NAV2: variants seen among roughly 807,000 people sequenced by gnomAD.
NAV2 encodes the protein helicase, APC down-regulated 1.
A neutral mutation model predicts 223.2 loss-of-function variants in NAV2; 54 were observed. The ratio of observed to expected loss-of-function variants is 0.24; its 90% CI spans 0.19 to 0.30. NAV2 has a LOEUF of 0.30. Among genes scored for constraint, NAV2 ranks in the 10% least tolerant of loss-of-function variants. NAV2 has a pLI of 1.00. For missense variants in NAV2, 2,806 were observed against 3,147.5 expected (o/e 0.89, Z 2.60); for synonymous variants, 1,279 against 1,239.3 (o/e 1.03, Z -0.67).
At chr11:19,939,907 C>CTT in intron 8 of NAV2, 134 bp downstream of exon 8, 1 of 387,402 alleles carries the variant, frequency 2.6e-6, no homozygotes. Flanking sequence ...AACAAACTTT[C>CTT]TTTCTTTTTT....
chr11:19,689,269 T>C (rs2152255229), intron 1 of NAV2, among the ~76,000 whole-genome samples: 2 of 152,266 alleles, frequency 1.3e-5, no homozygotes, highest in Admixed American at 1.3e-4. Flanking sequence ...CTAGTGCAAA[T>C]TATATTCAAG....
chr11:19,782,201 G>C (rs2056801271), intron 1 of NAV2, among the ~76,000 whole-genome samples: 2 of 152,202 alleles, frequency 1.3e-5, no homozygotes, highest in South Asian at 2.1e-4. Context: ...GAATATACAG[G>C]AATAGTTCCA....
chr11:19,994,981 A>G (rs1371649128), intron 11 of NAV2, among the ~76,000 whole-genome samples: 2 of 152,234 alleles, frequency 1.3e-5, no homozygotes, highest in African/African-American at 2.4e-5. Context: ...TTTGGAAAGC[A>G]TGAACTCTAA....
At chr11:19,795,580 C>T (rs898742094) in intron 1 of NAV2, among the ~76,000 whole-genome samples, 7 of 152,202 alleles carry the variant, frequency 4.6e-5, no homozygotes, top group African/African-American at 1.4e-4. Flanking sequence ...AGTAGTTCAT[C>T]TACTGCAGTT....
At chr11:20,058,462 A>C (rs896002164) in intron 19 of NAV2, among the ~76,000 whole-genome samples, 3 of 152,260 alleles carry the variant, frequency 2.0e-5, no homozygotes, top group Admixed American at 2.0e-4. Context: ...CAACTTTAAT[A>C]GCGTACATTT....
chr11:19,432,625 G>A lies in NAV2; in HGVS notation c.75+81598G>A, dbSNP rs538271334. 2.0e-5 allele frequency among the ~76,000 whole-genome samples: 3 copies of A among 152,286 alleles called. No homozygotes were observed. The East Asian group carries it at 5.8e-4, about 29-fold the overall frequency. On this transcript the variant is annotated intron_variant, in intron 1 of 37. Transcript: ENST00000360655. ...CATGGAGCATGGAGAGCGAGGCAGT[G>A]GGGGAGTGGGTGGTATGGAGAGCAG...
In NAV2 at chr11:19,926,780, G is replaced by A. The variant is rs112550528; in HGVS notation, c.932-6396G>A. Among the ~76,000 whole-genome samples the A allele has an allele frequency of 9.8e-3, 1,486 of 152,254 alleles. 8 individuals carry two copies. Among genetic ancestry groups the A allele is most frequent in the Middle Eastern group, 0.037 (11 of 294 alleles). On this transcript the variant is annotated intron_variant, in intron 6 of 37. Transcript: ENST00000349880. ...TCAGGCCTGTTCTCCAAAGACTTGG[G>A]AGAGGATTTAGGCCAGAAACCTCCC... is the stretch of plus-strand genomic sequence containing the variant.
chr11:19,466,139 T>G (rs1176532510), intron 1 of NAV2, among the ~76,000 whole-genome samples: 1 of 152,232 alleles, frequency 6.6e-6, no homozygotes, highest in Non-Finnish European at 1.5e-5. Flanking sequence ...ATTTAAATTT[T>G]TATAGCGATG....
intron 35 of NAV2, among the ~76,000 whole-genome samples, chr11:20,106,155 G>GTGTGTA (rs369895690): frequency 6.4e-5 from 2 of 31,496 alleles, no homozygotes; most frequent in Non-Finnish European, 2.1e-4. Context: ...GTGTGTGTGT[G>GTGTGTA]TATATATATA....
At chr11:19,985,851 C>T (rs1238876916) in intron 11 of NAV2, among the ~76,000 whole-genome samples, 1 of 152,152 alleles carries the variant, frequency 6.6e-6, no homozygotes, top group Non-Finnish European at 1.5e-5. Flanking sequence ...GCTGGGATTA[C>T]AGGCGTGAGC....
intron 10 of NAV2, among the ~76,000 whole-genome samples, chr11:19,972,062 G>C (rs1388841609): frequency 3.9e-5 from 6 of 152,292 alleles, no homozygotes; most frequent in East Asian, 3.9e-4. Flanking sequence ...CCCTGACTTG[G>C]GGGTGAGGAG....
chr11:20,049,887 C>G lies in NAV2; in HGVS notation c.4422C>G (p.Pro1474=), dbSNP rs1454424297. The G allele has an allele frequency of 1.2e-6, 2 of 1,614,130 alleles. No individual in the cohort carries two copies. The highest frequency in any genetic ancestry group is 2.2e-5 in the South Asian group (2 of 91,070). ...CTAAGTTCTGCAGAAGTACTCTGCC[C>G]AGGAAACAGGACAGGTAATGACATT... is the stretch of plus-strand genomic sequence containing the variant. ...ASPKFCRSTL[P]RKQDSDPHLD... The change falls in exon 16 of 38, where the codon CCC becomes CCG. Residue 1474 remains proline, a synonymous_variant. Transcript: ENST00000349880.
Position 19,995,652 on chromosome 11 carries a change from G to A in NAV2, c.2768+11405G>A, listed in dbSNP as rs145524640. ...AAGTGCAAAGAGGACAGCTGCGGTG[G>A]AGAGTGGTGGGGTCTTGGACTTTTC... On this transcript the variant is annotated intron_variant, in intron 11 of 37. Transcript: ENST00000349880. 4.3e-3 allele frequency among the ~76,000 whole-genome samples: 649 copies of A among 152,250 alleles called. 17 individuals are homozygous for A. The highest frequency in any genetic ancestry group is 6.9e-4 in the Non-Finnish European group (47 of 68,038).
At chr11:19,482,750 G>A (rs1157633343) in intron 1 of NAV2, among the ~76,000 whole-genome samples, 9 of 152,194 alleles carry the variant, frequency 5.9e-5, no homozygotes, top group Admixed American at 3.3e-4. Flanking sequence ...CCTGAGCAAC[G>A]CCCAACATAC....
At chr11:19,679,314 T>G (rs942388635) in intron 1 of NAV2, among the ~76,000 whole-genome samples, 1 of 152,048 alleles carries the variant, frequency 6.6e-6, no homozygotes, top group African/African-American at 2.4e-5. Context: ...GCCTGTAGTC[T>G]CAGCTACTCT....
chr11:20,110,512 C>T (rs556147177), intron 36 of NAV2, among the ~76,000 whole-genome samples: 1 of 152,262 alleles, frequency 6.6e-6, no homozygotes, highest in East Asian at 1.9e-4. Flanking sequence ...CTGAGGCTCA[C>T]GGACGTTCTT....
chr11:19,990,433 G>C (rs983918627), intron 11 of NAV2, among the ~76,000 whole-genome samples: 1 of 152,126 alleles, frequency 6.6e-6, no homozygotes, highest in Non-Finnish European at 1.5e-5. Context: ...TTAAGCAATT[G>C]CTAGAGGTTC....
chr11:19,579,469 G>A (rs996169767), intron 1 of NAV2, among the ~76,000 whole-genome samples: 4 of 152,128 alleles, frequency 2.6e-5, no homozygotes, highest in Non-Finnish European at 5.9e-5. Context: ...ACAGTCATGG[G>A]TGGCAGCTGA....
chr11:19,474,296 G>T (rs1444318940), intron 1 of NAV2, among the ~76,000 whole-genome samples: 1 of 152,208 alleles, frequency 6.6e-6, no homozygotes, highest in African/African-American at 2.4e-5. Context: ...ACAATGAGAC[G>T]CTAAATGAAC....
Sources: allele counts gnomAD v4.1 joint callset (sites outside exome capture counted in the v4.1 genomes callset), GRCh38; gene constraint gnomAD v4.1.1; transcripts MANE v1.5; gene names NCBI Gene and HGNC (gene_info 2026-07-23, HGNC 2026-07-21).